Variants in MSANTD7 observed in about 807,000 individuals in gnomAD.
MSANTD7 encodes the protein Myb/SANT DNA binding domain containing 7.
the MSANTD7 span, chr10:14,842,792 C>G: frequency 1.3e-6 from 2 of 1,536,250 alleles, no homozygotes; most frequent in Non-Finnish European, 8.7e-7. The surrounding 1 kb of genome is among the most constrained non-coding windows in gnomAD (Gnocchi z 5.2). Flanking sequence ...AATCAGTGAC[C>G]GGATACGAGA....
At chr10:14,846,586 C>A in the MSANTD7 span, 1 of 979,394 alleles carries the variant, frequency 1.0e-6, no homozygotes, top group Non-Finnish European at 1.2e-6. Context: ...CTTGAACCCC[C>A]TTAGAAAAGC....
the MSANTD7 span, chr10:14,843,246 C>A: frequency 8.5e-7 from 1 of 1,177,410 alleles, no homozygotes; most frequent in Non-Finnish European, 1.2e-6. Context: ...TCTTCCCAGT[C>A]CCTGGTGGAA....
At chr10:14,838,972 A>T in the MSANTD7 span, among the ~76,000 whole-genome samples, 3 of 152,176 alleles carry the variant, frequency 2.0e-5, no homozygotes, top group Admixed American at 2.0e-4. Flanking sequence ...TCTCTGGGAC[A>T]GCAGGGCCGC....
the MSANTD7 span, chr10:14,838,329 G>C: frequency 6.9e-7 from 1 of 1,441,530 alleles, no homozygotes; most frequent in Non-Finnish European, 9.5e-7. Flanking sequence ...GTGCCTGATG[G>C]GGCCGTTGGG....
At chr10:14,845,722 C>A in the MSANTD7 span, 1 of 189,614 alleles carries the variant, frequency 5.3e-6, no homozygotes, top group Non-Finnish European at 9.8e-6. Context: ...CCAACATGCC[C>A]AACTCATTTT....
At chr10:14,838,649 C>T in the MSANTD7 span, 1 of 559,260 alleles carries the variant, frequency 1.8e-6, no homozygotes, top group African/African-American at 2.0e-5. Flanking sequence ...TCCGGAAAGT[C>T]GTCTACTCCG....
At chr10:14,846,688 A>G in the MSANTD7 span, 2 of 965,766 alleles carry the variant, frequency 2.1e-6, no homozygotes, top group Non-Finnish European at 2.5e-6. Context: ...GTGAGGATCA[A>G]AGGAACAGAT....
chr10:14,838,650 GTC>G, the MSANTD7 span: 1 of 560,502 alleles, frequency 1.8e-6, no homozygotes, highest in East Asian at 3.3e-5. Context: ...CCGGAAAGTC[GTC>G]TACTCCGCGG....
At chr10:14,839,909 G>A in the MSANTD7 span, 2 of 1,612,284 alleles carry the variant, frequency 1.2e-6, no homozygotes, top group East Asian at 4.5e-5. Flanking sequence ...CTCTAGGATG[G>A]CCGGGCTGGT....
the MSANTD7 span, among the ~76,000 whole-genome samples, chr10:14,843,051 C>T: frequency 6.8e-3 from 1,030 of 152,284 alleles, 11 homozygotes; most frequent in African/African-American, 0.022. Flanking sequence ...GGTATTAGAA[C>T]CCTTTAAACC....
chr10:14,845,438 C>T, the MSANTD7 span: 1 of 985,334 alleles, frequency 1.0e-6, no homozygotes, highest in Non-Finnish European at 1.2e-6. Flanking sequence ...TACCCAGAAC[C>T]ATGAGTAGAC....
the MSANTD7 span, among the ~76,000 whole-genome samples, chr10:14,841,442 A>G: frequency 8.7e-4 from 133 of 152,300 alleles, 1 homozygote; most frequent in South Asian, 0.021. Context: ...GCTGTGTAAG[A>G]AATAATACAG....
the MSANTD7 span, chr10:14,838,609 G>C: frequency 4.2e-6 from 3 of 717,242 alleles, no homozygotes; most frequent in Non-Finnish European, 4.3e-6. Flanking sequence ...CGAAGGGCCG[G>C]GCAGGCCCGG....
chr10:14,844,729 T>A, the MSANTD7 span: 8 of 964,786 alleles, frequency 8.3e-6, no homozygotes, highest in Non-Finnish European at 8.6e-6. Context: ...ATTAAATATA[T>A]GTAAATTCTT....
chr10:14,841,648 A>G, the MSANTD7 span, among the ~76,000 whole-genome samples: 1 of 152,298 alleles, frequency 6.6e-6, no homozygotes, highest in Non-Finnish European at 1.5e-5. Context: ...TGGTTAGAGT[A>G]ATTATGTGGC....
the MSANTD7 span, chr10:14,846,092 ACTT>A: frequency 1.0e-6 from 1 of 983,012 alleles, no homozygotes; most frequent in African/African-American, 1.7e-5. Context: ...ATGCTCATGA[ACTT>A]CTAAGTGCCA....
chr10:14,846,975 CAAAT>C, the MSANTD7 span: 1 of 985,348 alleles, frequency 1.0e-6, no homozygotes, highest in Non-Finnish European at 1.2e-6. Flanking sequence ...CTGGTGTGGA[CAAAT>C]AAAGTTTTCA....
At chr10:14,838,895 G>A in the MSANTD7 span, among the ~76,000 whole-genome samples, 1 of 152,188 alleles carries the variant, frequency 6.6e-6, no homozygotes, top group Non-Finnish European at 1.5e-5. Context: ...TGACGTCAGG[G>A]CCTCAGGATT....
At chr10:14,846,666 C>T in the MSANTD7 span, 1 of 941,850 alleles carries the variant, frequency 1.1e-6, no homozygotes, top group South Asian at 4.9e-5. Context: ...CTACCTACCT[C>T]ACAGGGGTGT....
Sources: allele counts gnomAD v4.1 joint callset (sites outside exome capture counted in the v4.1 genomes callset), GRCh38; gene constraint gnomAD v4.1.1; non-coding constraint Gnocchi (gnomAD v3.1); transcripts MANE v1.5; gene names NCBI Gene and HGNC (gene_info 2026-07-23, HGNC 2026-07-21).